CEP295NL: variants seen among roughly 807,000 people sequenced by gnomAD.
The protein encoded by CEP295NL is protein DDC8 homolog.
Under a neutral mutation model 4.6 loss-of-function variants are expected in CEP295NL, and 3 were observed. That is an observed-to-expected ratio of 0.65 (90% CI 0.30 to 1.69). The LOEUF (loss-of-function observed/expected upper bound fraction) is 1.69. Among genes scored for constraint, CEP295NL ranks in the 40% most tolerant of loss-of-function variants. CEP295NL has a pLI of 0.10. For missense variants in CEP295NL, 719 were observed against 769.0 expected, an observed-to-expected ratio of 0.93 and a Z score of 0.77; for synonymous variants, 295 against 312.2, an observed-to-expected ratio of 0.94 and a Z score of 0.58.
chr17:78,902,478 G>A (rs2070109704), intron 1 of CEP295NL, among the ~76,000 whole-genome samples: 2 of 152,148 alleles, frequency 1.3e-5, no homozygotes, highest in South Asian at 4.1e-4. Context: ...AATGAGTCCT[G>A]GCTAGGCCCA....
chr17:78,891,800 C>T lies in CEP295NL; in HGVS notation c.704G>A (p.Gly235Asp). Residue 235 changes from glycine (G) to aspartate (D), a missense_variant, in exon 3 of 3, where the codon GGT becomes GAT. Physicochemically the swap from Gly to Asp is moderately conservative, Grantham distance 94 (BLOSUM62 -1). Coordinates refer to ENST00000322630, the MANE Select transcript of CEP295NL (RefSeq NM_001243540.2). This position sits in a 1 kb window ranked among gnomAD's most constrained non-coding sequence, Gnocchi z 4.5. ...CCGAGGATGGATGGCACAGCGGCCA[C>T]CCCCAGACTTGGTCGAAGGTTCTGG... The part of the protein sequence containing the change: ...GRPEPSTKSG[G>D]GRCAIHPRRS... The T allele has an allele frequency of 6.4e-7, 1 of 1,551,038 alleles. No individual in the cohort carries two copies. Among genetic ancestry groups the T allele is most frequent in the Non-Finnish European group, 8.7e-7 (1 of 1,147,084 alleles).
rs759857451 is a variant in CEP295NL at position 78,891,106 on chromosome 17, A to G, written c.1398T>C (p.Tyr466=). ...GGGTCTCTTGTCCAGATTCAGTGCT[A>G]TACAATAATGAGTCCTCTTTGTTGA... ...IFINKEDSLL[Y]STESGQETPK... Residue 466 remains tyrosine (Y), a synonymous_variant, in exon 3 of 3, where the codon TAT becomes TAC. Coordinates refer to ENST00000322630, the MANE Select transcript of CEP295NL (RefSeq NM_001243540.2). The surrounding 1 kb of genome is among the most constrained non-coding windows in gnomAD (Gnocchi z 4.5). The G allele has an allele frequency of 3.9e-6, 6 of 1,550,664 alleles. No homozygotes were observed. The African/African-American group carries it at 8.2e-5, about 21-fold the overall frequency.
chr17:78,892,705 T>C (rs1418221788), intron 2 of CEP295NL, among the ~76,000 whole-genome samples: 11 of 152,328 alleles, frequency 7.2e-5, no homozygotes, highest in Middle Eastern at 3.4e-3. Flanking sequence ...CCAGGGGACA[T>C]TGGCAATGTC....
intron 2 of CEP295NL, among the ~76,000 whole-genome samples, chr17:78,893,921 A>G (rs1156872842): frequency 1.3e-5 from 2 of 152,140 alleles, no homozygotes; most frequent in Non-Finnish European, 2.9e-5. Flanking sequence ...AAACAGCCAG[A>G]TCTGTGAGCT....
chr17:78,890,857 T>G lies in CEP295NL; in HGVS notation c.1647A>C (p.Arg549=). 1 of 1,550,646 alleles carries G rather than the reference T, an allele frequency of 6.4e-7. No individual in the cohort carries two copies. Among genetic ancestry groups the G allele is most frequent in the Non-Finnish European group, 8.7e-7 (1 of 1,147,016 alleles). ...EKERREQRRA[R]LAHLKSSSTR... ...TGGAGGAGGACTTCAGATGGGCCAG[T>G]CGAGCTCTTCTTTGCTCCCTCCTCT... The change falls in exon 3 of 3, where the codon CGA becomes CGC. Residue 549 remains arginine, a synonymous_variant. Transcript: ENST00000322630.
Position 78,896,823 on chromosome 17 carries a change from A to G in CEP295NL, c.45-4364T>C. ...GGCCCATTCTCCTCTCTTGCTCTCTACAGCCCCGTGGCCCCAGCGCAGGAG... is the reference window on the plus strand; with the variant it reads ...GGCCCATTCTCCTCTCTTGCTCTCTGCAGCCCCGTGGCCCCAGCGCAGGAG... On this transcript the variant is annotated intron_variant, in intron 2 of 2. Coordinates refer to ENST00000322630, the MANE Select transcript of CEP295NL (RefSeq NM_001243540.2). The surrounding 1 kb of genome is among the most constrained non-coding windows in gnomAD (Gnocchi z 4.4). 7.8e-6 allele frequency: 5 copies of G among 640,840 alleles called. No individual in the cohort carries two copies. Among genetic ancestry groups the G allele is most frequent in the Non-Finnish European group, 9.7e-6 (5 of 515,576 alleles). 39.7% of individuals were successfully genotyped at this position (640,840 alleles called of 1,614,324 possible).
In CEP295NL at chr17:78,896,139, C is replaced by A. The variant is rs1025103209; in HGVS notation, c.45-3680G>T. On this transcript the variant is annotated intron_variant, in intron 2 of 2. Coordinates refer to ENST00000322630, the MANE Select transcript of CEP295NL (RefSeq NM_001243540.2). This position sits in a 1 kb window ranked among gnomAD's most constrained non-coding sequence, Gnocchi z 4.4. ...ATCCCCGCTCTGACACCATCAGATGCAACCTCGTCCCCGCTACCCCAGCTC... is the reference window on the plus strand; with the variant it reads ...ATCCCCGCTCTGACACCATCAGATGAAACCTCGTCCCCGCTACCCCAGCTC... 6.6e-6 allele frequency among the ~76,000 whole-genome samples: 1 copy of A among 152,244 alleles called. No individual in the cohort carries two copies. Among genetic ancestry groups the A allele is most frequent in the Non-Finnish European group, 1.5e-5 (1 of 68,046 alleles).
intron 2 of CEP295NL, among the ~76,000 whole-genome samples, chr17:78,895,436 ACATC>A (rs554244773): frequency 1.2e-3 from 179 of 152,294 alleles, no homozygotes; most frequent in African/African-American, 4.2e-3. Context: ...CTGCCACCTC[ACATC>A]CACTCCAACG....
rs2069874395 is a variant in CEP295NL at position 78,890,701 on chromosome 17, C to T, written c.1803G>A (p.Arg601=). The T allele has an allele frequency of 5.2e-6, 8 of 1,550,492 alleles. No homozygotes were observed. Among genetic ancestry groups the T allele is most frequent in the Middle Eastern group, 1.7e-4 (1 of 6,014 alleles). Residue 601 remains arginine, a synonymous_variant, in exon 3 of 3, where the codon AGG becomes AGA. Coordinates refer to ENST00000322630, the MANE Select transcript of CEP295NL (RefSeq NM_001243540.2). Reference sequence around the variant, plus strand: ...CTTCTTCAAGAAACTGCTTGTGCAACCTGTTTTGCTGTAAGATCTGCTGCT... The same window carrying T: ...CTTCTTCAAGAAACTGCTTGTGCAATCTGTTTTGCTGTAAGATCTGCTGCT... ...DQQQQILQQN[R]LHKQFLEEAR...
rs200198879 is a variant in CEP295NL at position 78,891,142 on chromosome 17, T to C, written c.1362A>G (p.Ala454=). ...AGTCCTCTTTGTTGATAAATATACCTGCCTCGGGAGACAATGTTTGACTTC... is the reference window on the plus strand; with the variant it reads ...AGTCCTCTTTGTTGATAAATATACCCGCCTCGGGAGACAATGTTTGACTTC... ...RNGSQTLSPE[A]GIFINKEDSL... Residue 454 remains alanine (A), a synonymous_variant, in exon 3 of 3, where the codon GCA becomes GCG. Transcript: ENST00000322630. This position sits in a 1 kb window ranked among gnomAD's most constrained non-coding sequence, Gnocchi z 4.5. The C allele has an allele frequency of 4.5e-6, 7 of 1,550,600 alleles. No individual in the cohort carries two copies. The highest frequency in any genetic ancestry group is 6.1e-6 in the Non-Finnish European group (7 of 1,147,038).
At position 78,891,386 on chromosome 17, in the gene CEP295NL, G is replaced by A. The variant is rs1334721172; in HGVS notation, c.1118C>T (p.Pro373Leu). 1.3e-6 allele frequency: 2 copies of A among 1,550,580 alleles called. No homozygotes were observed. Among genetic ancestry groups the A allele is most frequent in the East Asian group, 4.9e-5 (2 of 40,930 alleles). The change falls in exon 3 of 3, where the codon CCT (proline) becomes CTT (leucine). Residue 373 changes from proline (P) to leucine (L), a missense_variant. Coordinates refer to ENST00000322630, the MANE Select transcript of CEP295NL (RefSeq NM_001243540.2). This position sits in a 1 kb window ranked among gnomAD's most constrained non-coding sequence, Gnocchi z 4.5. ...LALKPRMDQR[P>L]GEGHAFSEMQ... ...CTCTGAGAAGGCATGCCCTTCCCCA[G>A]GTCTCTGGTCCATCCTGGGCTTCAG...
chr17:78,891,051 G>C lies in CEP295NL; in HGVS notation c.1453C>G (p.Leu485Val). Residue 485 changes from leucine to valine, a missense_variant, in exon 3 of 3, where the codon CTT becomes GTT. Leu to Val is a conservative substitution (Grantham distance 32). Coordinates refer to ENST00000322630, the MANE Select transcript of CEP295NL (RefSeq NM_001243540.2). The surrounding 1 kb of genome is among the most constrained non-coding windows in gnomAD (Gnocchi z 4.5). ...PKLGTLAEGS[L>V]QLHLQDQADR... ...GCCTGGTCTTGAAGGTGGAGCTGAA[G>C]GGAGCCCTCTGCCAGCGTGCCCAGT... The C allele has an allele frequency of 1.3e-6, 2 of 1,551,114 alleles. No homozygotes were observed. Among genetic ancestry groups the C allele is most frequent in the Non-Finnish European group, 1.7e-6 (2 of 1,147,124 alleles).
intron 1 of CEP295NL, among the ~76,000 whole-genome samples, 151 bp downstream of exon 1, chr17:78,902,983 C>T (rs7211674): frequency 1.3e-5 from 2 of 152,038 alleles, no homozygotes; most frequent in Admixed American, 1.3e-4. Context: ...CCTTGCGAAC[C>T]CACGGCTTGG....
intron 2 of CEP295NL, among the ~76,000 whole-genome samples, chr17:78,894,408 T>G (rs372243472): frequency 6.6e-6 from 1 of 151,932 alleles, no homozygotes. Context: ...GATCACACAA[T>G]TAGAATAGTG....
chr17:78,896,052 T>A lies in CEP295NL; in HGVS notation c.45-3593A>T, dbSNP rs1190694929. Among the ~76,000 whole-genome samples the A allele has an allele frequency of 6.6e-6, 1 of 152,140 alleles. No individual in the cohort carries two copies. Among genetic ancestry groups the A allele is most frequent in the Non-Finnish European group, 1.5e-5 (1 of 68,012 alleles). ...GCAAACGGGTAAAAACTTAACACAT[T>A]TGGGCAGAGATCTTTGGGATAAGTC... On this transcript the variant is annotated intron_variant, in intron 2 of 2. Transcript: ENST00000322630. This position sits in a 1 kb window ranked among gnomAD's most constrained non-coding sequence, Gnocchi z 4.4.
At position 78,891,784 on chromosome 17, in the gene CEP295NL, G is replaced by T; in HGVS notation, c.720C>A (p.Ile240=). The change falls in exon 3 of 3, where the codon ATC becomes ATA. Residue 240 remains isoleucine, a synonymous_variant. Transcript: ENST00000322630. The surrounding 1 kb of genome is among the most constrained non-coding windows in gnomAD (Gnocchi z 4.5). ...STKSGGGRCA[I]HPRRSKGADL... ...CCGCCCCTTTGCTCCTCCGAGGATG[G>T]ATGGCACAGCGGCCACCCCCAGACT... is the stretch of plus-strand genomic sequence containing the variant. The T allele has an allele frequency of 6.4e-7, 1 of 1,551,152 alleles. No homozygotes were observed. Among genetic ancestry groups the T allele is most frequent in the East Asian group, 2.4e-5 (1 of 40,916 alleles).
In CEP295NL at chr17:78,891,869, C is replaced by A; in HGVS notation, c.635G>T (p.Arg212Leu). Reference sequence around the variant, plus strand: ...AGGCGGGGCCAGGTGAGAATTCATCCGACCCGTGGCTTTTGTAGTCTGTGG... The same window carrying A: ...AGGCGGGGCCAGGTGAGAATTCATCAGACCCGTGGCTTTTGTAGTCTGTGG... Reference protein sequence around the residue: ...EKPQTTKATGRMNSHLAPPEK... With the variant: ...EKPQTTKATGLMNSHLAPPEK... Residue 212 changes from arginine (R) to leucine (L), a missense_variant, in exon 3 of 3, where the codon CGG (arginine) becomes CTG (leucine). By Grantham distance (102) the Arg-to-Leu change is moderately radical. Transcript: ENST00000322630. This position sits in a 1 kb window ranked among gnomAD's most constrained non-coding sequence, Gnocchi z 4.5. 1.3e-6 allele frequency: 2 copies of A among 1,550,652 alleles called. No homozygotes were observed. Among genetic ancestry groups the A allele is most frequent in the South Asian group, 1.2e-5 (1 of 84,064 alleles).
At chr17:78,900,545 A>C (rs371741985) in intron 2 of CEP295NL, among the ~76,000 whole-genome samples, 1 of 3,048 alleles carries the variant, frequency 3.3e-4, no homozygotes, top group Non-Finnish European at 9.3e-4. Context: ...ACTCCATTTC[A>C]AAAAAAAAAA....
Position 78,890,917 on chromosome 17 carries a change from G to A in CEP295NL, c.1587C>T (p.Ser529=), listed in dbSNP as rs2069880885. 6.4e-7 allele frequency: 1 copy of A among 1,550,670 alleles called. No individual in the cohort carries two copies. Among genetic ancestry groups the A allele is most frequent in the Non-Finnish European group, 8.7e-7 (1 of 1,147,044 alleles). The change falls in exon 3 of 3, where the codon AGC becomes AGT. Residue 529 remains serine, a synonymous_variant. Coordinates refer to ENST00000322630, the MANE Select transcript of CEP295NL (RefSeq NM_001243540.2). Reference sequence around the variant, plus strand: ...GCTCAGCTTTGTAGTGGATTTCCAAGCTCATATCTGGGTGTTCCATTTGTT... The same window carrying A: ...GCTCAGCTTTGTAGTGGATTTCCAAACTCATATCTGGGTGTTCCATTTGTT... ...SLEQMEHPDM[S]LEIHYKAELE...
Sources: allele counts gnomAD v4.1 joint callset (sites outside exome capture counted in the v4.1 genomes callset), GRCh38; gene constraint gnomAD v4.1.1; non-coding constraint Gnocchi (gnomAD v3.1); transcripts MANE v1.5; gene names NCBI Gene and HGNC (gene_info 2026-07-23, HGNC 2026-07-21).